Variants in KDM4C observed in about 807,000 individuals in gnomAD.
The protein encoded by KDM4C is lysine demethylase 4C, also known as lysine-specific demethylase 4C.
KDM4C carries 81 observed loss-of-function variants against 129.3 expected under a neutral mutation model. That is an observed-to-expected ratio of 0.63 (90% CI 0.52 to 0.75). The LOEUF (loss-of-function observed/expected upper bound fraction) is 0.75, where lower values mean the gene tolerates loss of function less well. Ranked by LOEUF, KDM4C falls within the 30% of genes least tolerant of loss-of-function variation. The pLI is 0.00. For missense variants in KDM4C, 1,457 were observed against 1,304.0 expected, an observed-to-expected ratio of 1.12 and a Z score of -1.81; for synonymous variants, 573 against 456.1, an observed-to-expected ratio of 1.26 and a Z score of -3.26.
chr9:6,988,158 TAAAAAAAA>T (rs60244122), intron 11 of KDM4C, among the ~76,000 whole-genome samples: 16 of 85,338 alleles, frequency 1.9e-4, no homozygotes, highest in Admixed American at 3.2e-4. Flanking sequence ...CCCTGTCTCT[TAAAAAAAA>T]AAAAAAAAAA....
At chr9:6,960,592 A>T (rs758539851) in intron 8 of KDM4C, among the ~76,000 whole-genome samples, 2 of 152,200 alleles carry the variant, frequency 1.3e-5, no homozygotes, top group Non-Finnish European at 2.9e-5. Flanking sequence ...ATTGTCATAG[A>T]AAGTAGGAAA....
At position 7,090,833 on chromosome 9, in the gene KDM4C, T is replaced by C. The variant is rs1365909876; in HGVS notation, c.2425-12852T>C. 3.9e-5 allele frequency among the ~76,000 whole-genome samples: 6 copies of C among 152,238 alleles called. No individual in the cohort carries two copies. The South Asian group carries it at 1.2e-3, about 32-fold the overall frequency. On this transcript the variant is annotated intron_variant, in intron 17 of 21. Transcript: ENST00000381309. ...TGTCCAGTGTGTCCAGCTGTCACTTTCAAAAATAGGCACACACCAGAATAT... is the reference window on the plus strand; with the variant it reads ...TGTCCAGTGTGTCCAGCTGTCACTTCCAAAAATAGGCACACACCAGAATAT...
intron 19 of KDM4C, among the ~76,000 whole-genome samples, chr9:7,159,425 A>T (rs1029971112): frequency 6.6e-6 from 1 of 152,140 alleles, no homozygotes; most frequent in African/African-American, 2.4e-5. Context: ...TCTTCATAGC[A>T]TTGGTGGTCT....
chr9:7,103,245 C>T (rs1837301397), intron 17 of KDM4C, among the ~76,000 whole-genome samples: 2 of 152,168 alleles, frequency 1.3e-5, no homozygotes, highest in Admixed American at 6.5e-5. Flanking sequence ...TTGAAGACCA[C>T]ATCTAATTTA....
At chr9:6,984,501 T>C (rs1817343428) in intron 10 of KDM4C, 97 bp downstream of exon 10, 2 of 764,750 alleles carry the variant, frequency 2.6e-6, no homozygotes, top group Admixed American at 2.0e-5. Flanking sequence ...ATCTGACTAG[T>C]CCACATAGCT....
chr9:7,014,879 C>T (rs12379204), intron 14 of KDM4C, among the ~76,000 whole-genome samples: 51,157 of 150,568 alleles, frequency 0.34, 10,156 homozygotes, highest in Non-Finnish European at 0.45. Context: ...GAAATATAAT[C>T]GTAGCCATCT....
intron 15 of KDM4C, among the ~76,000 whole-genome samples, chr9:7,025,563 T>C (rs1416869972): frequency 6.6e-6 from 1 of 152,214 alleles, no homozygotes; most frequent in Non-Finnish European, 1.5e-5. Context: ...CTTGCAAATA[T>C]TATCTTACAA....
chr9:6,820,167 C>T (rs899643347), intron 4 of KDM4C, among the ~76,000 whole-genome samples: 1 of 152,128 alleles, frequency 6.6e-6, no homozygotes, highest in Non-Finnish European at 1.5e-5. Flanking sequence ...GGGCTTGACT[C>T]TTTGCAGCCT....
At chr9:7,071,458 G>C (rs1401754774) in intron 17 of KDM4C, among the ~76,000 whole-genome samples, 3 of 152,064 alleles carry the variant, frequency 2.0e-5, no homozygotes, top group African/African-American at 7.2e-5. Flanking sequence ...CAATAGAAAA[G>C]AATAGAAATT....
At chr9:6,824,050 G>T (rs1286831002) in intron 4 of KDM4C, among the ~76,000 whole-genome samples, 1 of 152,358 alleles carries the variant, frequency 6.6e-6, no homozygotes, top group East Asian at 1.9e-4. Context: ...TATATTCTCT[G>T]ACCTAGATTT....
intron 1 of KDM4C, among the ~76,000 whole-genome samples, chr9:6,740,896 C>T (rs1291729460): frequency 6.6e-6 from 1 of 151,712 alleles, no homozygotes; most frequent in Non-Finnish European, 1.5e-5. Context: ...GGGAGGATCT[C>T]GGCTCACCAC....
At chr9:6,905,967 A>G (rs1818239953) in intron 8 of KDM4C, among the ~76,000 whole-genome samples, 1 of 152,210 alleles carries the variant, frequency 6.6e-6, no homozygotes, top group Non-Finnish European at 1.5e-5. Flanking sequence ...TTCTGAAAGT[A>G]TCCAGGCTTT....
At chr9:6,916,756 A>G (rs1402646507) in intron 8 of KDM4C, among the ~76,000 whole-genome samples, 1 of 152,242 alleles carries the variant, frequency 6.6e-6, no homozygotes, top group Non-Finnish European at 1.5e-5. Flanking sequence ...TGAATGTTGC[A>G]TACTTACTAA....
At chr9:6,779,230 G>A (rs969076412) in intron 1 of KDM4C, among the ~76,000 whole-genome samples, 3 of 148,888 alleles carry the variant, frequency 2.0e-5, no homozygotes, top group South Asian at 2.1e-4. Flanking sequence ...GGGTTTCACC[G>A]TGGTCTCGAT....
In KDM4C at chr9:6,740,078, C is replaced by T. The variant is rs182604269; in HGVS notation, c.49+19081C>T. On this transcript the variant is annotated intron_variant, in intron 1 of 17. Coordinates refer to the KDM4C transcript ENST00000536108. ...CTAATTTTTGTATTTTTAGTAGAGACGGGATTTCACCATTTTGGCCAGGAT... is the reference window on the plus strand; with the variant it reads ...CTAATTTTTGTATTTTTAGTAGAGATGGGATTTCACCATTTTGGCCAGGAT... Among the ~76,000 whole-genome samples, 1,298 of 151,390 alleles carry T rather than the reference C, an allele frequency of 8.6e-3. 12 individuals carry two copies. Among genetic ancestry groups the T allele is most frequent in the South Asian group, 0.014 (66 of 4,782 alleles).
upstream of KDM4C, among the ~76,000 whole-genome samples, chr9:6,753,642 G>T (rs1309985054): frequency 6.6e-6 from 1 of 152,084 alleles, no homozygotes; most frequent in African/African-American, 2.4e-5. Context: ...GTCCAGGACT[G>T]AGGGGCTGTA....
chr9:7,095,827 A>G (rs1836365282), intron 17 of KDM4C, among the ~76,000 whole-genome samples: 3 of 152,336 alleles, frequency 2.0e-5, no homozygotes, highest in Admixed American at 6.5e-5. Flanking sequence ...TGTTAACCAA[A>G]TAATTCAGTA....
chr9:6,894,211 A>G (rs10815476), intron 8 of KDM4C, among the ~76,000 whole-genome samples: 1 of 151,772 alleles, frequency 6.6e-6, no homozygotes, highest in Non-Finnish European at 1.5e-5. Context: ...ATTGCATAAT[A>G]TATTAAAAGA....
chr9:7,031,130 G>GTTTGTTTATTTATTTA (rs376556912), intron 15 of KDM4C, among the ~76,000 whole-genome samples: 16 of 141,252 alleles, frequency 1.1e-4, no homozygotes, highest in Middle Eastern at 3.6e-3. Flanking sequence ...TATTTTACTT[G>GTTTGTTTATTTATTTA]TTTATTTATT....
Sources: allele counts gnomAD v4.1 joint callset (sites outside exome capture counted in the v4.1 genomes callset), GRCh38; gene constraint gnomAD v4.1.1; transcripts MANE v1.5; gene names NCBI Gene and HGNC (gene_info 2026-07-23, HGNC 2026-07-21).